LMNTD1: variants seen among roughly 807,000 people sequenced by gnomAD.
LMNTD1 encodes lamin tail domain-containing protein 1.
Under a neutral mutation model 50.9 loss-of-function variants are expected in LMNTD1, and 35 were observed. The observed-to-expected ratio is 0.69, with a 90% CI of 0.53 to 0.91. The LOEUF is 0.91. Among genes scored for constraint, LMNTD1 ranks in the 40% least tolerant of loss-of-function variants. The pLI is 0.00. For missense variants in LMNTD1, 470 were observed against 475.5 expected (o/e 0.99, Z 0.11); for synonymous variants, 153 against 161.9 (o/e 0.94, Z 0.42).
chr12:25,574,725 G>A (rs982036974), intron 1 of LMNTD1, among the ~76,000 whole-genome samples: 4 of 151,812 alleles, frequency 2.6e-5, no homozygotes, highest in African/African-American at 9.7e-5. Context: ...TAATCATAAC[G>A]GGTCCTAAGC....
chr12:25,573,569 A>G (rs898507301), intron 1 of LMNTD1, among the ~76,000 whole-genome samples: 1 of 152,154 alleles, frequency 6.6e-6, no homozygotes, highest in African/African-American at 2.4e-5. Context: ...AAACTGCAAA[A>G]TCATGCCCAG....
intron 1 of LMNTD1, among the ~76,000 whole-genome samples, chr12:25,615,736 C>T (rs929572845): frequency 1.3e-5 from 2 of 152,174 alleles, no homozygotes; most frequent in Non-Finnish European, 2.9e-5. Context: ...GCTGGGACTA[C>T]AGGTGTGAGC....
intron 1 of LMNTD1, among the ~76,000 whole-genome samples, chr12:25,587,518 CTCTTGTGAGGACTCACTCAA>C (rs142085567): frequency 0.046 from 6,961 of 152,262 alleles, 400 homozygotes; most frequent in African/African-American, 0.13. Flanking sequence ...AACTCACTCA[CTCTTGTGAGGACTCACTCAA>C]TCTTGTGAGG....
At chr12:25,619,120 G>A (rs1946407318) in intron 1 of LMNTD1, among the ~76,000 whole-genome samples, 1 of 151,904 alleles carries the variant, frequency 6.6e-6, no homozygotes, top group South Asian at 2.1e-4. Flanking sequence ...ACTGCAAAGA[G>A]CACCTTTGTA....
chr12:25,642,308 G>A (rs1456347889), intron 1 of LMNTD1, among the ~76,000 whole-genome samples: 1 of 152,140 alleles, frequency 6.6e-6, no homozygotes, highest in African/African-American at 2.4e-5. Flanking sequence ...TTTAAATAAG[G>A]TCATGAGGGT....
intron 1 of LMNTD1, among the ~76,000 whole-genome samples, chr12:25,590,596 C>T (rs1374336983): frequency 6.6e-6 from 1 of 152,212 alleles, no homozygotes; most frequent in East Asian, 1.9e-4. Flanking sequence ...AGCATCAACC[C>T]TTCCTTAGCC....
chr12:25,532,490 T>C (rs1942294250), intron 4 of LMNTD1, among the ~76,000 whole-genome samples: 1 of 152,138 alleles, frequency 6.6e-6, no homozygotes, highest in Non-Finnish European at 1.5e-5. Flanking sequence ...AGTCTCTTAG[T>C]TGCGGCTTTC....
At position 25,502,160 on chromosome 12, in the gene LMNTD1, C is replaced by T. The variant is rs528871292; in HGVS notation, c.*22+1578G>A. Among the ~76,000 whole-genome samples, 11 of 152,214 alleles carry T rather than the reference C, an allele frequency of 7.2e-5. No individual in the cohort carries two copies. The East Asian group carries it at 7.7e-4, about 11-fold the overall frequency. The stretch of plus-strand genomic sequence containing the variant: ...GATCAACGAAGGCTAAAAACCTCTG[C>T]CAAATTGTTATTCAATATCCAATGG... On this transcript the variant is annotated intron_variant, in intron 9 of 9. Transcript: ENST00000458174.
At chr12:25,642,050 A>G (rs959566280) in intron 1 of LMNTD1, among the ~76,000 whole-genome samples, 1 of 152,134 alleles carries the variant, frequency 6.6e-6, no homozygotes, top group Non-Finnish European at 1.5e-5. Context: ...TAACCCAACC[A>G]TACTCCATCC....
intron 6 of LMNTD1, among the ~76,000 whole-genome samples, chr12:25,525,740 T>C (rs1176068812): frequency 6.6e-6 from 1 of 152,040 alleles, no homozygotes; most frequent in African/African-American, 2.4e-5. Context: ...TAAGGATAAC[T>C]ATCCATTCTA....
Position 25,623,065 on chromosome 12 carries a change from G to A in LMNTD1, c.58+25429C>T, listed in dbSNP as rs534067870. Among the ~76,000 whole-genome samples, 465 of 151,946 alleles carry A rather than the reference G, an allele frequency of 3.1e-3. 3 individuals carry two copies. The highest frequency in any genetic ancestry group is 0.014 in the South Asian group (69 of 4,806). On this transcript the variant is annotated intron_variant, in intron 1 of 7. Coordinates refer to the LMNTD1 transcript ENST00000445693. ...TAAGAAATGCTGTCTCCCTGCCAGA[G>A]GAAAAAAAATTAGACACACAAATAA...
At chr12:25,495,808 T>C (rs1939043486) in intron 9 of LMNTD1, among the ~76,000 whole-genome samples, 1 of 152,298 alleles carries the variant, frequency 6.6e-6, no homozygotes, top group Admixed American at 6.5e-5. Flanking sequence ...GTGATGTAAC[T>C]GACAAGGAAT....
chr12:25,534,470 G>T (rs1188398823), intron 4 of LMNTD1, among the ~76,000 whole-genome samples: 1 of 152,124 alleles, frequency 6.6e-6, no homozygotes, highest in African/African-American at 2.4e-5. Context: ...CATCATGGAG[G>T]GTGCATCCTC....
At chr12:25,553,609 G>A (rs377229887), upstream of LMNTD1, among the ~76,000 whole-genome samples, 4 of 152,024 alleles carry the variant, frequency 2.6e-5, no homozygotes, top group African/African-American at 9.7e-5. Flanking sequence ...TAGGCAGCAA[G>A]AATAGAAACC....
intron 1 of LMNTD1, among the ~76,000 whole-genome samples, chr12:25,561,090 C>T (rs1944291211): frequency 6.6e-6 from 1 of 152,076 alleles, no homozygotes; most frequent in South Asian, 2.1e-4. Flanking sequence ...TTTCAAAACA[C>T]CAGCTCCTTG....
intron 6 of LMNTD1, among the ~76,000 whole-genome samples, chr12:25,522,971 T>G (rs188263610): frequency 4.6e-5 from 7 of 152,326 alleles, no homozygotes; most frequent in Admixed American, 1.3e-4. Context: ...AGTGACAAGA[T>G]GACTCAAAAA....
In LMNTD1 at chr12:25,590,304, G is replaced by GA. The variant is rs766143632; in HGVS notation, c.59-43751dup. Among the ~76,000 whole-genome samples the GA allele has an allele frequency of 3.8e-4, 58 of 151,510 alleles. 1 individual carries two copies. Among genetic ancestry groups the GA allele is most frequent in the Non-Finnish European group, 7.5e-4 (51 of 67,848 alleles). ...AACTCACTGCTGCCTTATTATAACA[G>GA]AAAAAAAAGGACCATCTCTATTGAT... On this transcript the variant is annotated intron_variant, in intron 1 of 7. Transcript: ENST00000445693.
chr12:25,562,631 G>A (rs999798119), intron 1 of LMNTD1, among the ~76,000 whole-genome samples: 3 of 152,118 alleles, frequency 2.0e-5, no homozygotes, highest in African/African-American at 7.2e-5. Context: ...GGCTCTTCTC[G>A]AGAAGTATCT....
At chr12:25,502,111 T>C (rs539962970) in intron 9 of LMNTD1, among the ~76,000 whole-genome samples, 1 of 152,182 alleles carries the variant, frequency 6.6e-6, no homozygotes, top group East Asian at 1.9e-4. Flanking sequence ...ACCGTGGTAG[T>C]TAAGCAAAAT....
Sources: gnomAD v4.1 joint callset for allele counts (sites outside exome capture counted in the v4.1 genomes callset) on GRCh38, gnomAD v4.1.1 for gene constraint, MANE v1.5 for transcripts, NCBI Gene and HGNC (gene_info 2026-07-23, HGNC 2026-07-21) for gene names.